Variants in ESR2 observed in about 807,000 individuals in gnomAD.
ESR2 encodes the protein estrogen receptor beta.
Under a neutral mutation model 49.6 loss-of-function variants are expected in ESR2, and 36 were observed. That is an observed-to-expected ratio of 0.73 (90% confidence interval 0.56 to 0.96). ESR2 has a LOEUF of 0.96. Among genes scored for constraint, ESR2 ranks in the 40% least tolerant of loss-of-function variants. The pLI, the probability that ESR2 is intolerant of heterozygous loss-of-function variation, is 0.00. For missense variants in ESR2, 714 were observed against 693.0 expected (o/e 1.03, Z -0.34); for synonymous variants, 320 against 266.1 (o/e 1.20, Z -1.97).
At chr14:64,255,782 G>T (rs1268411044) in intron 6 of ESR2, among the ~76,000 whole-genome samples, 1 of 152,224 alleles carries the variant, frequency 6.6e-6, no homozygotes, top group Non-Finnish European at 1.5e-5. Flanking sequence ...TGTTACTGAA[G>T]GGTCTTGTGC....
chr14:64,230,130 G>A lies in ESR2; in HGVS notation c.*3007C>T, dbSNP rs186487792. ...GAGGATCGCTTGAGCCCAGGAGGTCGAGGCTGCAGTGAGCCATGATGGCGC... is the reference window on the plus strand; with the variant it reads ...GAGGATCGCTTGAGCCCAGGAGGTCAAGGCTGCAGTGAGCCATGATGGCGC... On this transcript the variant is annotated 3_prime_UTR_variant, in exon 9 of 9. Transcript: ENST00000341099. Among the ~76,000 whole-genome samples the A allele has an allele frequency of 8.5e-3, 1,293 of 151,464 alleles. 20 individuals are homozygous for A. Among genetic ancestry groups the A allele is most frequent in the African/African-American group, 0.03 (1,220 of 41,188 alleles).
At chr14:64,275,289 A>G (rs1419624350) in intron 3 of ESR2, among the ~76,000 whole-genome samples, 2 of 152,144 alleles carry the variant, frequency 1.3e-5, no homozygotes, top group Non-Finnish European at 2.9e-5. Flanking sequence ...CATATTTACA[A>G]TTGTTATATT....
At chr14:64,326,485 G>T (rs1219028849) in intron 1 of ESR2, among the ~76,000 whole-genome samples, 1 of 151,576 alleles carries the variant, frequency 6.6e-6, no homozygotes, top group African/African-American at 2.4e-5. Context: ...AACTTTTTTT[G>T]ATGTAGAAAG....
rs2098725338 is a variant in ESR2 at position 64,229,590 on chromosome 14, A to C, written c.*3547T>G. ...TCAGGTTGCACCTGATAGATTCTGC[A>C]GTTTTAAAATATTTTTCTTTAAATT... On this transcript the variant is annotated 3_prime_UTR_variant, in exon 9 of 9. Coordinates refer to ENST00000341099, the MANE Select transcript of ESR2 (RefSeq NM_001437.3). 6.6e-6 allele frequency among the ~76,000 whole-genome samples: 1 copy of C among 152,196 alleles called. No homozygotes were observed. Among genetic ancestry groups the C allele is most frequent in the Non-Finnish European group, 1.5e-5 (1 of 68,032 alleles).
At chr14:64,275,231 T>C (rs2140790511) in intron 3 of ESR2, among the ~76,000 whole-genome samples, 1 of 152,354 alleles carries the variant, frequency 6.6e-6, no homozygotes, top group Middle Eastern at 3.4e-3. Flanking sequence ...AGTCTGTCTC[T>C]CTCTTTAGCT....
intron 5 of ESR2, 183 bp from the exon 6 acceptor site, chr14:64,257,547 T>C: frequency 1.4e-6 from 1 of 711,166 alleles, no homozygotes; most frequent in East Asian, 2.8e-5. Flanking sequence ...CTGCGCAACT[T>C]AGTTTCCAGT....
At chr14:64,324,043 G>T (rs2077359717) in intron 1 of ESR2, among the ~76,000 whole-genome samples, 2 of 152,188 alleles carry the variant, frequency 1.3e-5, no homozygotes, top group Admixed American at 6.5e-5. Context: ...TTGAATAAAT[G>T]AATGAATAAG....
intron 3 of ESR2, among the ~76,000 whole-genome samples, chr14:64,276,280 A>G (rs907839907): frequency 3.9e-5 from 6 of 152,212 alleles, no homozygotes; most frequent in African/African-American, 1.4e-4. Context: ...TATCAAGCAA[A>G]TGCCAGAACC....
intron 3 of ESR2, among the ~76,000 whole-genome samples, chr14:64,278,085 C>T (rs1396354207): frequency 6.6e-6 from 1 of 152,060 alleles, no homozygotes; most frequent in Non-Finnish European, 1.5e-5. Flanking sequence ...AAATAGTCAT[C>T]GTATCAAGAA....
chr14:64,291,245 T>C (rs1472666962), intron 1 of ESR2, among the ~76,000 whole-genome samples: 1 of 152,204 alleles, frequency 6.6e-6, no homozygotes, highest in Non-Finnish European at 1.5e-5. Context: ...TGCTGCAGTC[T>C]GGCTTTGAGG....
intron 1 of ESR2, among the ~76,000 whole-genome samples, chr14:64,302,451 TGCTGGGATTACAG>T (rs1314926367): frequency 6.6e-6 from 1 of 151,946 alleles, no homozygotes; most frequent in Non-Finnish European, 1.5e-5. Context: ...CCTCCCAAAG[TGCTGGGATTACAG>T]GTGTGAGGCA....
chr14:64,271,318 A>G (rs899693799), intron 3 of ESR2, among the ~76,000 whole-genome samples: 3 of 119,688 alleles, frequency 2.5e-5, no homozygotes, highest in African/African-American at 1.0e-4. Context: ...CACAAGTTCA[A>G]TTGTTTTCTT....
intron 1 of ESR2, among the ~76,000 whole-genome samples, chr14:64,318,936 G>T (rs1318648934): frequency 2.0e-5 from 3 of 152,096 alleles, no homozygotes; most frequent in African/African-American, 4.8e-5. Context: ...AGCTACTAGG[G>T]AGGCTGAGAT....
intron 5 of ESR2, among the ~76,000 whole-genome samples, chr14:64,259,380 G>A (rs538329235): frequency 5.9e-5 from 9 of 152,076 alleles, no homozygotes; most frequent in South Asian, 2.1e-4. Context: ...CAGTGCAGTC[G>A]CTGCCCTCCA....
chr14:64,233,185 T>C lies in ESR2; in HGVS notation c.1545A>G (p.Ala515=), dbSNP rs201044476. Residue 515 remains alanine, a synonymous_variant, in exon 9 of 9, where the codon GCA becomes GCG. Coordinates refer to ENST00000341099, the MANE Select transcript of ESR2 (RefSeq NM_001437.3). The part of the protein sequence containing the change: ...SSITGSECSP[A]EDSKSKEGSQ... The stretch of plus-strand genomic sequence containing the variant: ...AGCCCTCTTTGCTTTTACTGTCCTC[T>C]GCCGGGCTGCACTCGGACCCCGTGA... 66 of 1,614,018 alleles carry C rather than the reference T, an allele frequency of 4.1e-5. No homozygotes were observed. The highest frequency in any genetic ancestry group is 5.3e-5 in the African/African-American group (4 of 74,910).
intron 3 of ESR2, 45 bp from the exon 4 acceptor site, chr14:64,268,956 T>G (rs1286610829): frequency 9.1e-7 from 1 of 1,104,206 alleles, no homozygotes. Flanking sequence ...CTATGATCTC[T>G]TAGTTAAATC....
At chr14:64,334,765 G>A (rs1490887479) in intron 1 of ESR2, among the ~76,000 whole-genome samples, 1 of 152,192 alleles carries the variant, frequency 6.6e-6, no homozygotes, top group African/African-American at 2.4e-5. Flanking sequence ...TCCTGCCTTG[G>A]CCTCCCAAGT....
rs567313052 is a variant in ESR2 at position 64,258,454 on chromosome 14, G to A, written c.953-1090C>T. 1.2e-4 allele frequency among the ~76,000 whole-genome samples: 18 copies of A among 152,212 alleles called. No individual in the cohort carries two copies. The East Asian group carries it at 3.1e-3, about 26-fold the overall frequency. ...CTTGGAGTGAAATGGACTCTGGTTC[G>A]AACCCCAGCTCAGCCTCTTTCTAGC... On this transcript the variant is annotated intron_variant, in intron 5 of 8. Coordinates refer to ENST00000341099, the MANE Select transcript of ESR2 (RefSeq NM_001437.3).
At chr14:64,327,783 C>T (rs2077407626) in intron 1 of ESR2, among the ~76,000 whole-genome samples, 2 of 151,132 alleles carry the variant, frequency 1.3e-5, no homozygotes, top group East Asian at 3.9e-4. Flanking sequence ...GGAGGAGAGT[C>T]ACTTGAACCC....
Sources: allele counts gnomAD v4.1 joint callset (sites outside exome capture counted in the v4.1 genomes callset), GRCh38; gene constraint gnomAD v4.1.1; transcripts MANE v1.5; gene names NCBI Gene and HGNC (gene_info 2026-07-23, HGNC 2026-07-21).